ELAVL2: variants seen among roughly 807,000 people sequenced by gnomAD.
The protein encoded by ELAVL2 is ELAV-like protein 2.
A neutral mutation model predicts 34.6 loss-of-function variants in ELAVL2; 4 were observed. The ratio of observed to expected loss-of-function variants is 0.12; its 90% CI spans 0.06 to 0.26. The LOEUF is 0.26. Among genes scored for constraint, ELAVL2 ranks in the 10% least tolerant of loss-of-function variants. The pLI is 1.00. For synonymous variants in ELAVL2, 193 were observed against 154.8 expected (o/e 1.25, Z -1.83); for missense variants, 432 against 442.8 (o/e 0.98, Z 0.22).
intron 5 of ELAVL2, among the ~76,000 whole-genome samples, chr9:23,700,859 A>T (rs2133118175): frequency 6.6e-6 from 1 of 150,986 alleles, no homozygotes; most frequent in South Asian, 2.1e-4. Flanking sequence ...AAAAATTGAC[A>T]CATGAGAATA....
chr9:23,696,072 C>T (rs751650865), intron 5 of ELAVL2, among the ~76,000 whole-genome samples: 1 of 152,116 alleles, frequency 6.6e-6, no homozygotes, highest in Non-Finnish European at 1.5e-5. Context: ...TCCTTCACTT[C>T]TCTCTCATTT....
At chr9:23,775,877 G>A (rs1033424750) in intron 1 of ELAVL2, among the ~76,000 whole-genome samples, 7 of 152,178 alleles carry the variant, frequency 4.6e-5, no homozygotes, top group African/African-American at 1.4e-4. Context: ...GAAGAGAGCA[G>A]ACAAACCTCG....
intron 2 of ELAVL2, among the ~76,000 whole-genome samples, chr9:23,758,657 T>C (rs2054152419): frequency 6.6e-6 from 1 of 152,130 alleles, no homozygotes; most frequent in Non-Finnish European, 1.5e-5. Flanking sequence ...TTCAAAAGCT[T>C]TTATAGCACC....
chr9:23,725,133 T>C (rs141204898), intron 3 of ELAVL2, among the ~76,000 whole-genome samples: 35 of 152,194 alleles, frequency 2.3e-4, no homozygotes, highest in African/African-American at 8.4e-4. Flanking sequence ...GGCGTTTAAA[T>C]ACAAAACAAA....
chr9:23,838,828 G>A, the ELAVL2 span, among the ~76,000 whole-genome samples: 1 of 152,088 alleles, frequency 6.6e-6, no homozygotes, highest in Non-Finnish European at 1.5e-5. Context: ...CCATAATACA[G>A]TAAATAATTA....
chr9:23,840,708 G>C, the ELAVL2 span, among the ~76,000 whole-genome samples: 10 of 152,066 alleles, frequency 6.6e-5, no homozygotes, highest in Non-Finnish European at 1.5e-4. Flanking sequence ...AGATAACCCC[G>C]GGAAATTGCA....
intron 1 of ELAVL2, among the ~76,000 whole-genome samples, chr9:23,769,464 A>C (rs1049311782): frequency 6.6e-6 from 1 of 152,204 alleles, no homozygotes; most frequent in African/African-American, 2.4e-5. Context: ...AAGCAAGAGA[A>C]TAGTCAACCA....
At chr9:23,816,131 AAG>A (rs1169489989) in intron 1 of ELAVL2, among the ~76,000 whole-genome samples, 2 of 152,078 alleles carry the variant, frequency 1.3e-5, no homozygotes, top group African/African-American at 2.4e-5. Context: ...TTTCTCTAGG[AAG>A]AGACAGCTAC....
chr9:23,748,512 C>A (rs1223512850), intron 2 of ELAVL2, among the ~76,000 whole-genome samples: 4 of 152,112 alleles, frequency 2.6e-5, no homozygotes, highest in Non-Finnish European at 4.4e-5. Context: ...ACACCAACTG[C>A]CTCTTCCTCC....
intron 3 of ELAVL2, among the ~76,000 whole-genome samples, chr9:23,713,257 T>C (rs1015687362): frequency 1.3e-4 from 20 of 152,198 alleles, no homozygotes; most frequent in African/African-American, 4.6e-4. Context: ...ACTTAGGCCA[T>C]AAATACCTTA....
chr9:23,834,516 G>A, the ELAVL2 span, among the ~76,000 whole-genome samples: 1 of 151,952 alleles, frequency 6.6e-6, no homozygotes, highest in Non-Finnish European at 1.5e-5. Context: ...GTAATCATAA[G>A]TATAAAATAC....
intron 1 of ELAVL2, among the ~76,000 whole-genome samples, chr9:23,764,767 G>A (rs1396425767): frequency 4.6e-5 from 7 of 151,882 alleles, no homozygotes; most frequent in African/African-American, 7.3e-5. Flanking sequence ...TTGAGTCTGC[G>A]CTAAATCCTA....
At chr9:23,819,016 G>C (rs1288895658) in intron 1 of ELAVL2, among the ~76,000 whole-genome samples, 1 of 152,198 alleles carries the variant, frequency 6.6e-6, no homozygotes, top group African/African-American at 2.4e-5. Context: ...GGATATTCTG[G>C]AAGGCTTTGC....
chr9:23,757,363 G>T (rs1311944757), intron 2 of ELAVL2, among the ~76,000 whole-genome samples: 2 of 151,962 alleles, frequency 1.3e-5, no homozygotes, highest in African/African-American at 4.8e-5. Flanking sequence ...AAACATCCAG[G>T]TAAAGCATAA....
At chr9:23,702,977 A>AAAAAAAAAAAAAAAAAAAAAAAAC (rs1563957766) in intron 4 of ELAVL2, among the ~76,000 whole-genome samples, 1 of 132,422 alleles carries the variant, frequency 7.6e-6, no homozygotes, top group Non-Finnish European at 1.6e-5. Flanking sequence ...AAAAAAAAAA[A>AAAAAAAAAAAAAAAAAAAAAAAAC]AAAACAGCCT....
intron 1 of ELAVL2, among the ~76,000 whole-genome samples, chr9:23,774,213 C>CAAAAA (rs57247631): frequency 5.0e-4 from 31 of 61,392 alleles, no homozygotes; most frequent in African/African-American, 1.0e-3. Flanking sequence ...GACTCCATCT[C>CAAAAA]AAAAAAAAAA....
At chr9:23,737,401 G>A (rs1184346852) in intron 2 of ELAVL2, among the ~76,000 whole-genome samples, 8 of 152,108 alleles carry the variant, frequency 5.3e-5, no homozygotes, top group Non-Finnish European at 2.9e-5. Context: ...GTTTTAAATA[G>A]TTCATGTAAA....
chr9:23,847,227 A>T, the ELAVL2 span: 4 of 152,114 alleles, frequency 2.6e-5, no homozygotes, highest in African/African-American at 9.7e-5. Flanking sequence ...TTGCATTTTT[A>T]AAACTCTAAT....
At chr9:23,717,837 C>A (rs1294750761) in intron 3 of ELAVL2, among the ~76,000 whole-genome samples, 1 of 152,162 alleles carries the variant, frequency 6.6e-6, no homozygotes, top group Non-Finnish European at 1.5e-5. Context: ...AGCTAACTAG[C>A]CCACATTAAG....
Sources: gnomAD v4.1 joint callset for allele counts (sites outside exome capture counted in the v4.1 genomes callset) on GRCh38, gnomAD v4.1.1 for gene constraint, MANE v1.5 for transcripts, NCBI Gene and HGNC (gene_info 2026-07-23, HGNC 2026-07-21) for gene names.